Variants in UBE2E3 observed in about 807,000 individuals in gnomAD.
The protein encoded by UBE2E3 is ubiquitin-conjugating enzyme E2 E3.
Under a neutral mutation model 23.6 loss-of-function variants are expected in UBE2E3, and 5 were observed. The ratio of observed to expected loss-of-function variants is 0.21; its 90% CI spans 0.11 to 0.44. UBE2E3 has a LOEUF of 0.44. UBE2E3 is among the 20% of genes least tolerant of loss of function. The probability of loss-of-function intolerance (pLI) is 0.99; values close to 1 mark genes in which losing one functional copy is unlikely to be tolerated. For missense variants in UBE2E3, 81 were observed against 249.8 expected (o/e 0.32, Z 4.55); for synonymous variants, 78 against 87.5 (o/e 0.89, Z 0.60).
In UBE2E3 at chr2:180,984,846, T is replaced by C. The variant is rs144127002; in HGVS notation, c.245+753T>C. Among the ~76,000 whole-genome samples, 610 of 152,248 alleles carry C rather than the reference T, an allele frequency of 4.0e-3. 3 individuals carry two copies. Among genetic ancestry groups the C allele is most frequent in the African/African-American group, 0.014 (571 of 41,554 alleles). ...AATAATTTTTTTCATTTCATTTGTA[T>C]AGCGCTCTATTCTTTTTTTAATGAC... On this transcript the variant is annotated intron_variant, in intron 3 of 5. Transcript: ENST00000410062.
intron 3 of UBE2E3, among the ~76,000 whole-genome samples, chr2:181,011,771 G>A (rs1559120665): frequency 6.6e-6 from 1 of 152,072 alleles, no homozygotes; most frequent in Non-Finnish European, 1.5e-5. Flanking sequence ...ATTATTTGTT[G>A]TTTTTATTTT....
rs372020445 is a variant in UBE2E3 at position 181,060,727 on chromosome 2, C to T, written c.441C>T (p.Asp147=). ...NINSQGVICL[D]ILKDNWSPAL... ...ACAGTCAGGGAGTCATCTGTCTGGA[C>T]ATCCTTAAAGACAACTGGAGTCCCG... Residue 147 remains aspartate (D), a synonymous_variant, in exon 5 of 6, where the codon GAC becomes GAT. Coordinates refer to ENST00000410062, the MANE Select transcript of UBE2E3 (RefSeq NM_006357.4). The T allele has an allele frequency of 3.2e-5, 51 of 1,611,206 alleles. No homozygotes were observed. The highest frequency in any genetic ancestry group is 4.2e-5 in the Non-Finnish European group (49 of 1,178,488).
At chr2:180,989,504 A>G (rs1342576123) in intron 3 of UBE2E3, among the ~76,000 whole-genome samples, 2 of 152,132 alleles carry the variant, frequency 1.3e-5, no homozygotes, top group Non-Finnish European at 2.9e-5. Context: ...AACCTATTCA[A>G]AGTTTACCTA....
chr2:181,046,000 G>A (rs1035936478), intron 3 of UBE2E3, among the ~76,000 whole-genome samples: 1 of 152,070 alleles, frequency 6.6e-6, no homozygotes, highest in African/African-American at 2.4e-5. Context: ...GGATAATTTT[G>A]TGTTGTTCAG....
At chr2:181,017,141 A>G (rs1022992285) in intron 3 of UBE2E3, among the ~76,000 whole-genome samples, 2 of 152,256 alleles carry the variant, frequency 1.3e-5, no homozygotes, top group African/African-American at 4.8e-5. Context: ...TGAGACTGAT[A>G]GAACATTCCC....
At chr2:180,997,274 G>A (rs1684853422) in intron 3 of UBE2E3, among the ~76,000 whole-genome samples, 1 of 150,362 alleles carries the variant, frequency 6.7e-6, no homozygotes, top group African/African-American at 2.4e-5. Flanking sequence ...GTCCACTTTT[G>A]TGTCTTATAT....
At chr2:181,041,018 G>A (rs1167961136) in intron 3 of UBE2E3, among the ~76,000 whole-genome samples, 2 of 152,036 alleles carry the variant, frequency 1.3e-5, no homozygotes, top group Non-Finnish European at 2.9e-5. Flanking sequence ...GGGAGACCCA[G>A]GCGGGCGAAT....
chr2:181,008,367 G>A (rs1370513963), intron 3 of UBE2E3, among the ~76,000 whole-genome samples: 1 of 152,202 alleles, frequency 6.6e-6, no homozygotes, highest in Non-Finnish European at 1.5e-5. Context: ...AAGTTCTTCC[G>A]AGGATCACAT....
chr2:181,015,200 A>G (rs1685449083), intron 3 of UBE2E3, among the ~76,000 whole-genome samples: 1 of 152,236 alleles, frequency 6.6e-6, no homozygotes. Context: ...TGAATTTAGT[A>G]TAAAATTCAG....
At chr2:180,990,219 G>C (rs1321704231) in intron 3 of UBE2E3, among the ~76,000 whole-genome samples, 1 of 152,058 alleles carries the variant, frequency 6.6e-6, no homozygotes, top group Non-Finnish European at 1.5e-5. Flanking sequence ...GATATTTTTT[G>C]CTTTTCATAA....
At chr2:180,985,461 G>A (rs1218350408) in intron 3 of UBE2E3, among the ~76,000 whole-genome samples, 2 of 152,018 alleles carry the variant, frequency 1.3e-5, no homozygotes, top group Non-Finnish European at 2.9e-5. Flanking sequence ...TAATATTTTG[G>A]ATATATTTGG....
intron 3 of UBE2E3, among the ~76,000 whole-genome samples, chr2:181,033,862 C>T (rs187145148): frequency 3.1e-4 from 47 of 152,212 alleles, no homozygotes; most frequent in South Asian, 8.3e-4. Context: ...AACAAGTGGG[C>T]GAAGGATATG....
At chr2:180,981,061 C>G (rs955727945) in intron 1 of UBE2E3, 88 bp downstream of exon 1, 1 of 146,308 alleles carries the variant, frequency 6.8e-6, no homozygotes, top group Non-Finnish European at 1.5e-5. Context: ...CAGCTTTGTT[C>G]GCGCCGGGCG....
chr2:181,025,806 A>T (rs185203112), intron 3 of UBE2E3, among the ~76,000 whole-genome samples: 2 of 152,072 alleles, frequency 1.3e-5, no homozygotes, highest in Admixed American at 6.6e-5. Context: ...CAAGTCTTCT[A>T]TAAGAACAAT....
At chr2:181,009,606 A>G (rs1161162692) in intron 3 of UBE2E3, among the ~76,000 whole-genome samples, 2 of 141,752 alleles carry the variant, frequency 1.4e-5, no homozygotes, top group African/African-American at 5.0e-5. Context: ...AGATAACCAA[A>G]TATATTTCAG....
intron 3 of UBE2E3, among the ~76,000 whole-genome samples, chr2:181,033,863 G>A (rs1233000100): frequency 2.0e-4 from 31 of 152,212 alleles, no homozygotes; most frequent in Middle Eastern, 3.4e-3. Flanking sequence ...ACAAGTGGGC[G>A]AAGGATATGA....
chr2:181,047,867 A>G (rs938849052), intron 3 of UBE2E3, among the ~76,000 whole-genome samples: 10 of 152,082 alleles, frequency 6.6e-5, no homozygotes, highest in East Asian at 1.9e-4. Flanking sequence ...ATAGCTGCCT[A>G]TTTCTTTTAA....
At chr2:181,015,585 T>A (rs1685461166) in intron 3 of UBE2E3, among the ~76,000 whole-genome samples, 1 of 152,200 alleles carries the variant, frequency 6.6e-6, no homozygotes, top group Non-Finnish European at 1.5e-5. Flanking sequence ...TGAACAGTTT[T>A]CATTATATGA....
chr2:181,014,523 T>A (rs1226445092), intron 3 of UBE2E3, among the ~76,000 whole-genome samples: 2 of 152,098 alleles, frequency 1.3e-5, no homozygotes, highest in Non-Finnish European at 2.9e-5. Context: ...AGTGATTGAT[T>A]AGAGAGGGCT....
Sources: gnomAD v4.1 joint callset for allele counts (sites outside exome capture counted in the v4.1 genomes callset) on GRCh38, gnomAD v4.1.1 for gene constraint, MANE v1.5 for transcripts, NCBI Gene and HGNC (gene_info 2026-07-23, HGNC 2026-07-21) for gene names.